The following ASIC2 variants were observed in gnomAD, a reference collection of about 807,000 sequenced individuals.
The protein encoded by ASIC2 is acid sensing ion channel subunit 2.
A neutral mutation model predicts 57.3 loss-of-function variants in ASIC2; 25 were observed. The observed-to-expected ratio is 0.44, with a 90% confidence interval of 0.32 to 0.61. ASIC2 has a LOEUF of 0.61. Among genes scored for constraint, ASIC2 ranks in the 20% least tolerant of loss-of-function variants. ASIC2 has a pLI of 0.06. For missense variants in ASIC2, 641 were observed against 738.1 expected, an observed-to-expected ratio of 0.87 and a Z score of 1.52; for synonymous variants, 319 against 307.5, an observed-to-expected ratio of 1.04 and a Z score of -0.39.
At chr17:33,811,532 G>T (rs549726975) in intron 1 of ASIC2, among the ~76,000 whole-genome samples, 1 of 152,250 alleles carries the variant, frequency 6.6e-6, no homozygotes, top group African/African-American at 2.4e-5. Flanking sequence ...CCGAGGACTT[G>T]CTACTCGTGA....
At chr17:34,081,509 G>C (rs1191187113) in intron 1 of ASIC2, among the ~76,000 whole-genome samples, 1 of 152,146 alleles carries the variant, frequency 6.6e-6, no homozygotes, top group Non-Finnish European at 1.5e-5. Flanking sequence ...CCCAGCACAG[G>C]AAATTAAGAC....
At chr17:33,684,670 T>C (rs1908124565) in intron 1 of ASIC2, among the ~76,000 whole-genome samples, 1 of 152,214 alleles carries the variant, frequency 6.6e-6, no homozygotes, top group Non-Finnish European at 1.5e-5. Flanking sequence ...GCTAAATTGG[T>C]CATTATCTTT....
At chr17:33,970,663 A>C (rs556148263) in intron 1 of ASIC2, among the ~76,000 whole-genome samples, 1 of 152,320 alleles carries the variant, frequency 6.6e-6, no homozygotes, top group East Asian at 1.9e-4. Flanking sequence ...TTTAAGGCTA[A>C]CTCAACAAGG....
chr17:33,446,813 C>A (rs1255607995), intron 1 of ASIC2, among the ~76,000 whole-genome samples: 1 of 152,122 alleles, frequency 6.6e-6, no homozygotes, highest in Non-Finnish European at 1.5e-5. Flanking sequence ...AATCAGTAGA[C>A]CTGTGTCAAT....
rs116807016 is a variant in ASIC2, at chr17:33,755,350, C to T, written c.555+400628G>A. Among the ~76,000 whole-genome samples the T allele has an allele frequency of 2.9e-3, 445 of 152,304 alleles. 1 individual carries two copies. The highest frequency in any genetic ancestry group is 0.01 in the African/African-American group (429 of 41,560). On this transcript the variant is annotated intron_variant, in intron 1 of 9. Transcript: ENST00000359872. ...ATTTCCAATTTCTGACGTCTAGAGC[C>T]ATAAGACCCTATGTCTGTGTTGTGT...
chr17:33,274,454 G>A (rs1450177242), intron 1 of ASIC2, among the ~76,000 whole-genome samples: 1 of 152,144 alleles, frequency 6.6e-6, no homozygotes, highest in African/African-American at 2.4e-5. Flanking sequence ...ACTTAACTGG[G>A]GAGAGACAGT....
chr17:33,859,793 T>A (rs975820366), intron 1 of ASIC2, among the ~76,000 whole-genome samples: 14 of 152,244 alleles, frequency 9.2e-5, no homozygotes, highest in Admixed American at 2.6e-4. Flanking sequence ...CAAGCTATCC[T>A]CCCATCTCAG....
chr17:34,147,406 G>A (rs912726655), intron 1 of ASIC2, among the ~76,000 whole-genome samples: 11 of 152,154 alleles, frequency 7.2e-5, no homozygotes, highest in Non-Finnish European at 1.6e-4. Flanking sequence ...AGAATATATC[G>A]AAATCAGAAG....
At chr17:34,082,813 G>A (rs1478929304) in intron 1 of ASIC2, among the ~76,000 whole-genome samples, 4 of 152,218 alleles carry the variant, frequency 2.6e-5, no homozygotes, top group South Asian at 4.1e-4. Flanking sequence ...CCAGGTCACC[G>A]TGATGGTAAA....
rs564282689 is a variant in ASIC2, at chr17:33,750,241, G to A, written c.555+405737C>T. ...ACCCAGAGAGCCCTTGTCCCACTCTGCAGAAGACTATCCAGGACCCTGGGC... is the reference window on the plus strand; with the variant it reads ...ACCCAGAGAGCCCTTGTCCCACTCTACAGAAGACTATCCAGGACCCTGGGC... On this transcript the variant is annotated intron_variant, in intron 1 of 9. Transcript: ENST00000359872. Among the ~76,000 whole-genome samples the A allele has an allele frequency of 4.4e-4, 67 of 152,244 alleles. 1 individual carries two copies. In the East Asian group the frequency reaches 0.011, roughly 25 times the overall value.
chr17:33,387,195 T>G (rs751562230), intron 1 of ASIC2, among the ~76,000 whole-genome samples: 3 of 152,176 alleles, frequency 2.0e-5, no homozygotes, highest in Non-Finnish European at 4.4e-5. Context: ...GTCATTTACA[T>G]GCATTCTTTC....
chr17:33,753,113 A>G (rs1910484309), intron 1 of ASIC2, among the ~76,000 whole-genome samples: 1 of 152,264 alleles, frequency 6.6e-6, no homozygotes, highest in Admixed American at 6.5e-5. Context: ...ACAATGGAAT[A>G]TTATTCAGTG....
intron 1 of ASIC2, among the ~76,000 whole-genome samples, chr17:33,361,669 G>A (rs1051383289): frequency 2.6e-5 from 4 of 152,130 alleles, no homozygotes; most frequent in Non-Finnish European, 4.4e-5. Flanking sequence ...AAAAGACTGA[G>A]GTTTAGAGAG....
chr17:33,516,395 T>TGA (rs1914569860), intron 1 of ASIC2, among the ~76,000 whole-genome samples: 17 of 126,544 alleles, frequency 1.3e-4, no homozygotes, highest in Non-Finnish European at 2.5e-4. Context: ...TGTAAGTGTG[T>TGA]TTGTGAGTGT....
At chr17:33,061,325 A>C (rs1338563718) in intron 3 of ASIC2, among the ~76,000 whole-genome samples, 1 of 152,136 alleles carries the variant, frequency 6.6e-6, no homozygotes. Flanking sequence ...TATTATTTTT[A>C]GATATGTTGC....
intron 1 of ASIC2, among the ~76,000 whole-genome samples, chr17:33,543,085 A>G (rs1251508316): frequency 1.4e-5 from 2 of 140,116 alleles, no homozygotes; most frequent in African/African-American, 5.4e-5. Flanking sequence ...GAATTGAACA[A>G]TGAGATCACA....
intron 1 of ASIC2, among the ~76,000 whole-genome samples, chr17:33,333,609 C>T (rs1438325384): frequency 6.6e-6 from 1 of 152,026 alleles, no homozygotes; most frequent in Non-Finnish European, 1.5e-5. Context: ...TTCTTTTTTT[C>T]TACTTCTCTG....
chr17:33,343,558 T>C (rs185230851), intron 1 of ASIC2, among the ~76,000 whole-genome samples: 2 of 152,332 alleles, frequency 1.3e-5, no homozygotes, highest in East Asian at 3.9e-4. Flanking sequence ...AGTCTACGGC[T>C]TGTTTTTTCC....
At chr17:33,863,810 C>T (rs941137318) in intron 1 of ASIC2, among the ~76,000 whole-genome samples, 4 of 152,030 alleles carry the variant, frequency 2.6e-5, no homozygotes, top group African/African-American at 7.3e-5. Context: ...ATCTTGGGCA[C>T]AGAGCCTTGG....
Sources: allele counts gnomAD v4.1 joint callset (sites outside exome capture counted in the v4.1 genomes callset), GRCh38; gene constraint gnomAD v4.1.1; transcripts MANE v1.5; gene names NCBI Gene and HGNC (gene_info 2026-07-23, HGNC 2026-07-21).